The following EPHA5 variants were observed in gnomAD, a reference collection of about 807,000 sequenced individuals.
EPHA5 encodes EPH receptor A5, also known as ephrin type-A receptor 5.
In EPHA5, 60 loss-of-function variants were observed where a neutral mutation model predicts 105.0. The ratio of observed to expected loss-of-function variants is 0.57; its 90% CI spans 0.46 to 0.71. EPHA5 has a LOEUF of 0.71. Among genes scored for constraint, EPHA5 ranks in the 30% least tolerant of loss-of-function variants. The probability of loss-of-function intolerance (pLI) is 0.00; values close to 1 mark genes in which losing one functional copy is unlikely to be tolerated. For synonymous variants in EPHA5, 513 were observed against 449.1 expected, an observed-to-expected ratio of 1.14 and a Z score of -1.80; for missense variants, 1,218 against 1,274.7, an observed-to-expected ratio of 0.96 and a Z score of 0.68.
chr4:65,339,444 TCTGG>T (rs1360566756), intron 14 of EPHA5, among the ~76,000 whole-genome samples: 1 of 152,128 alleles, frequency 6.6e-6, no homozygotes. Context: ...ATGGATACGT[TCTGG>T]AAACTGTGAC....
rs1047810996 is a variant in EPHA5, at chr4:65,564,173, C to G, written c.910+37468G>C. Among the ~76,000 whole-genome samples, 10 of 151,858 alleles carry G rather than the reference C, an allele frequency of 6.6e-5. 1 individual carries two copies. Among genetic ancestry groups the G allele is most frequent in the African/African-American group, 2.4e-4 (10 of 41,396 alleles). ...TGTATCACAAATAACTCAAGATAATCATTTTTCTTGCATATTAATTGAAGG... is the reference window on the plus strand; with the variant it reads ...TGTATCACAAATAACTCAAGATAATGATTTTTCTTGCATATTAATTGAAGG... On this transcript the variant is annotated intron_variant, in intron 3 of 16. Coordinates refer to ENST00000613740, the MANE Select transcript of EPHA5 (RefSeq NM_001281766.3).
At chr4:65,533,137 C>T (rs10016747) in intron 3 of EPHA5, among the ~76,000 whole-genome samples, 19,261 of 152,040 alleles carry the variant, frequency 0.13, 1,536 homozygotes, top group East Asian at 0.3. Context: ...AATACCAAAT[C>T]AATGCTGAAA....
chr4:65,402,094 C>A (rs1287706795), intron 8 of EPHA5, among the ~76,000 whole-genome samples: 1 of 152,036 alleles, frequency 6.6e-6, no homozygotes, highest in Non-Finnish European at 1.5e-5. Flanking sequence ...TAAGATTGTT[C>A]TCAGGAGATC....
chr4:65,621,429 G>A (rs1283701980), intron 2 of EPHA5, among the ~76,000 whole-genome samples: 2 of 152,084 alleles, frequency 1.3e-5, no homozygotes, highest in African/African-American at 2.4e-5. Context: ...ATGGTAAATA[G>A]TCATTAGCAC....
At chr4:65,433,861 T>A (rs934587873) in intron 5 of EPHA5, among the ~76,000 whole-genome samples, 3 of 152,138 alleles carry the variant, frequency 2.0e-5, no homozygotes, top group African/African-American at 7.2e-5. Flanking sequence ...GAGGCCAACA[T>A]GGCGAAACCC....
At position 65,531,149 on chromosome 4, in the gene EPHA5, T is replaced by C. The variant is rs574848293; in HGVS notation, c.911-35606A>G. ...GCTTCCCGGGTTCACGCCATTCTCCTGCCTCAGCCTCCCGAGTAGCTGGGA... is the reference window on the plus strand; with the variant it reads ...GCTTCCCGGGTTCACGCCATTCTCCCGCCTCAGCCTCCCGAGTAGCTGGGA... On this transcript the variant is annotated intron_variant, in intron 3 of 16. Transcript: ENST00000613740. 5.4e-3 allele frequency among the ~76,000 whole-genome samples: 818 copies of C among 151,366 alleles called. 10 individuals are homozygous for C. Among genetic ancestry groups the C allele is most frequent in the African/African-American group, 0.019 (780 of 41,342 alleles).
intron 2 of EPHA5, among the ~76,000 whole-genome samples, chr4:65,613,334 T>G (rs1425216099): frequency 1.3e-5 from 2 of 152,132 alleles, no homozygotes; most frequent in African/African-American, 4.8e-5. Context: ...TTCTTTTTGC[T>G]TAGAATTCCT....
At chr4:65,496,602 G>A (rs1731967439) in intron 3 of EPHA5, among the ~76,000 whole-genome samples, 1 of 151,076 alleles carries the variant, frequency 6.6e-6, no homozygotes, top group Admixed American at 6.6e-5. Context: ...GTGTATATGT[G>A]CCACATTTTC....
intron 3 of EPHA5, among the ~76,000 whole-genome samples, chr4:65,511,104 A>G (rs1470956946): frequency 6.6e-6 from 1 of 152,128 alleles, no homozygotes; most frequent in African/African-American, 2.4e-5. Context: ...AATGACTGGC[A>G]CCTTGGTCTT....
In EPHA5 at chr4:65,324,075, G is replaced by A. The variant is rs2148775868; in HGVS notation, c.*39C>T. 2.2e-6 allele frequency: 3 copies of A among 1,333,650 alleles called. No homozygotes were observed. Among genetic ancestry groups the A allele is most frequent in the Non-Finnish European group, 3.2e-6 (3 of 927,182 alleles). 82.6% of individuals were successfully genotyped at this position (1,333,650 alleles called of 1,614,324 possible). A position where few individuals can be genotyped will look rare whatever the true frequency, so the allele number is the denominator to read the frequency against. On this transcript the variant is annotated 3_prime_UTR_variant, in exon 17 of 17. Coordinates refer to ENST00000613740, the MANE Select transcript of EPHA5 (RefSeq NM_001281766.3). ...TAAATCTCAGTGCTGTTTACAAAGTGCAGAATCATTCACTTGAAGAAGCGA... is the reference window on the plus strand; with the variant it reads ...TAAATCTCAGTGCTGTTTACAAAGTACAGAATCATTCACTTGAAGAAGCGA...
chr4:65,486,410 G>A lies in EPHA5; in HGVS notation c.1402+3967C>T, dbSNP rs541768730. ...TATGGATGTTTTTCCCTATTAAGCTGTCTATTTTCAGTCACCACAGCAAAC... is the reference window on the plus strand; with the variant it reads ...TATGGATGTTTTTCCCTATTAAGCTATCTATTTTCAGTCACCACAGCAAAC... On this transcript the variant is annotated intron_variant, in intron 5 of 16. Coordinates refer to ENST00000613740, the MANE Select transcript of EPHA5 (RefSeq NM_001281766.3). 2.0e-5 allele frequency among the ~76,000 whole-genome samples: 3 copies of A among 152,092 alleles called. No individual in the cohort carries two copies. The South Asian group carries it at 6.2e-4, about 32-fold the overall frequency.
chr4:65,398,984 TAACA>T (rs1237137843), intron 8 of EPHA5, among the ~76,000 whole-genome samples: 1 of 152,138 alleles, frequency 6.6e-6, no homozygotes, highest in African/African-American at 2.4e-5. Flanking sequence ...GGAAGAGCTG[TAACA>T]AACAGGGCTA....
At chr4:65,371,640 A>G (rs1718480186) in intron 8 of EPHA5, among the ~76,000 whole-genome samples, 1 of 152,054 alleles carries the variant, frequency 6.6e-6, no homozygotes, top group Non-Finnish European at 1.5e-5. Flanking sequence ...TCAGAGTACC[A>G]AGTAATGTAC....
chr4:65,375,764 A>G (rs1016511523), intron 8 of EPHA5, among the ~76,000 whole-genome samples: 2 of 142,212 alleles, frequency 1.4e-5, no homozygotes, highest in Admixed American at 1.4e-4. Context: ...TTAGTTTTTC[A>G]TAGCACAGAA....
intron 8 of EPHA5, among the ~76,000 whole-genome samples, chr4:65,381,541 A>G (rs532641969): frequency 2.0e-5 from 3 of 151,988 alleles, no homozygotes; most frequent in South Asian, 4.1e-4. Flanking sequence ...AAGTGATTAA[A>G]AAGAATTTAA....
At chr4:65,414,156 G>A (rs1723170095) in intron 7 of EPHA5, 128 bp downstream of exon 7, 1 of 799,704 alleles carries the variant, frequency 1.3e-6, no homozygotes, top group Non-Finnish European at 2.0e-6. Flanking sequence ...CCTACCTGAA[G>A]GGGTCATGCC....
intron 6 of EPHA5, 47 bp downstream of exon 6, chr4:65,420,394 T>C: frequency 1.3e-6 from 2 of 1,510,214 alleles, no homozygotes; most frequent in Non-Finnish European, 1.8e-6. Flanking sequence ...GTTGCTAAAA[T>C]GAAAAAAAAA....
chr4:65,565,342 C>A (rs1173648363), intron 3 of EPHA5, among the ~76,000 whole-genome samples: 1 of 151,628 alleles, frequency 6.6e-6, no homozygotes, highest in Admixed American at 6.6e-5. Context: ...AATTTCATTT[C>A]AATAACTCTT....
At chr4:65,357,004 A>T (rs973367366) in intron 11 of EPHA5, among the ~76,000 whole-genome samples, 1 of 151,528 alleles carries the variant, frequency 6.6e-6, no homozygotes, top group African/African-American at 2.4e-5. Context: ...CTCATAAAGC[A>T]TGTCAAAACA....
Sources: allele counts gnomAD v4.1 joint callset (sites outside exome capture counted in the v4.1 genomes callset), GRCh38; gene constraint gnomAD v4.1.1; transcripts MANE v1.5; gene names NCBI Gene and HGNC (gene_info 2026-07-23, HGNC 2026-07-21).